The following TNR variants were observed in gnomAD, a reference collection of about 807,000 sequenced individuals.
TNR encodes tenascin-R.
In TNR, 45 loss-of-function variants were observed where a neutral mutation model predicts 150.4. The ratio of observed to expected loss-of-function variants is 0.30; its 90% CI spans 0.24 to 0.38. The LOEUF (loss-of-function observed/expected upper bound fraction) is 0.38, where lower values mean the gene tolerates loss of function less well. TNR is among the 10% of genes least tolerant of loss of function. TNR has a pLI of 1.00. For synonymous variants in TNR, 687 were observed against 678.4 expected (o/e 1.01, Z -0.20); for missense variants, 1,544 against 1,759.1 (o/e 0.88, Z 2.19).
intron 1 of TNR, among the ~76,000 whole-genome samples, chr1:175,619,938 C>T (rs1387247002): frequency 2.6e-5 from 4 of 152,186 alleles, no homozygotes; most frequent in Non-Finnish European, 4.4e-5. Context: ...GTGGCATGGC[C>T]TCTTGTGTAA....
At chr1:175,366,213 T>C (rs1020325838) in intron 10 of TNR, 75 bp from the exon 11 acceptor site, 72 of 1,456,972 alleles carry the variant, frequency 4.9e-5, no homozygotes, top group African/African-American at 5.7e-5. Context: ...GCTTTGTGTG[T>C]TTCCAAGCTA....
intron 2 of TNR, among the ~76,000 whole-genome samples, chr1:175,418,357 G>C (rs977307323): frequency 6.6e-6 from 1 of 152,204 alleles, no homozygotes; most frequent in African/African-American, 2.4e-5. Flanking sequence ...TCTAGAGAAA[G>C]ACTAATGGAA....
chr1:175,662,227 T>C (rs1444497118), intron 1 of TNR, among the ~76,000 whole-genome samples: 1 of 152,194 alleles, frequency 6.6e-6, no homozygotes, highest in Non-Finnish European at 1.5e-5. Flanking sequence ...TGGTGTTTTC[T>C]ACATCACCCT....
At position 175,657,883 on chromosome 1, in the gene TNR, A is replaced by ATATATATATATG. The variant is rs1464419575; in HGVS notation, c.-165+85342_-165+85343insCATATATATATA. Among the ~76,000 whole-genome samples the ATATATATATATG allele has an allele frequency of 6.1e-3, 619 of 101,062 alleles. 43 individuals are homozygous for ATATATATATATG. Among genetic ancestry groups the ATATATATATATG allele is most frequent in the African/African-American group, 0.018 (485 of 27,648 alleles). 66.3% of individuals were successfully genotyped at this position (101,062 alleles called of 152,430 possible). A position where few individuals can be genotyped will look rare whatever the true frequency, so the allele number is the denominator to read the frequency against. On this transcript the variant is annotated intron_variant, in intron 1 of 22. Transcript: ENST00000367674. ...TATATATATATATATATATATATAT[A>ATATATATATATG]TGTAACAAACCTGCACGTTGTGCAC...
intron 22 of TNR, among the ~76,000 whole-genome samples, chr1:175,323,924 AAC>A: frequency 6.6e-6 from 1 of 152,270 alleles, no homozygotes; most frequent in South Asian, 2.1e-4. Context: ...TTTCAGTGTT[AAC>A]ACTTAGAAAG....
rs188606891 is a variant in TNR at position 175,518,813 on chromosome 1, C to T, written c.-64+9456G>A. ...TTGCCCTCACCTTCTCCTTTACAGC[C>T]ACCAGCTTTTCAATTACAGGTCCAT... On this transcript the variant is annotated intron_variant, in intron 2 of 22. Coordinates refer to ENST00000367674, the MANE Select transcript of TNR (RefSeq NM_003285.3). Among the ~76,000 whole-genome samples, 5 of 152,314 alleles carry T rather than the reference C, an allele frequency of 3.3e-5. No individual in the cohort carries two copies. The East Asian group carries it at 7.7e-4, about 23-fold the overall frequency.
chr1:175,423,957 C>T lies in TNR; in HGVS notation c.-63-17180G>A, dbSNP rs577675448. On this transcript the variant is annotated intron_variant, in intron 2 of 22. Transcript: ENST00000367674. ...AGCTATGGGCCTTGGGGGTTAGAAT[C>T]CCTGCACCAAGGCCCTAAAGATAAA... Among the ~76,000 whole-genome samples, 47 of 152,216 alleles carry T rather than the reference C, an allele frequency of 3.1e-4. No individual in the cohort carries two copies. The South Asian group carries it at 9.5e-3, about 31-fold the overall frequency.
intron 18 of TNR, among the ~76,000 whole-genome samples, chr1:175,353,134 T>C (rs950186342): frequency 6.6e-6 from 1 of 152,086 alleles, no homozygotes; most frequent in Non-Finnish European, 1.5e-5. Context: ...TTATGGACTG[T>C]AGAGAGGCAC....
At chr1:175,519,864 C>G (rs1394878831) in intron 2 of TNR, among the ~76,000 whole-genome samples, 2 of 152,194 alleles carry the variant, frequency 1.3e-5, no homozygotes, top group African/African-American at 4.8e-5. Context: ...GCCTGATTTC[C>G]TTCCTGGTGT....
chr1:175,631,034 G>A (rs749821779), intron 1 of TNR, among the ~76,000 whole-genome samples: 9 of 152,242 alleles, frequency 5.9e-5, no homozygotes, highest in Non-Finnish European at 1.2e-4. Context: ...TGGGAAGGAT[G>A]TGGGTCAGCG....
chr1:175,549,981 TG>T (rs928209326), intron 1 of TNR, among the ~76,000 whole-genome samples: 2 of 151,928 alleles, frequency 1.3e-5, no homozygotes, highest in Admixed American at 1.3e-4. Context: ...GCTATTTTTG[TG>T]ATAATTTGTT....
chr1:175,355,878 C>T (rs892995527), intron 16 of TNR, among the ~76,000 whole-genome samples: 1 of 152,212 alleles, frequency 6.6e-6, no homozygotes, highest in Non-Finnish European at 1.5e-5. Context: ...GGTGTGACAT[C>T]TTCCACACTG....
chr1:175,515,034 G>A, intron 2 of TNR, among the ~76,000 whole-genome samples: 1 of 152,264 alleles, frequency 6.6e-6, no homozygotes, highest in South Asian at 2.1e-4. Context: ...AACTCGTTCC[G>A]GGCCAAGTCT....
intron 1 of TNR, among the ~76,000 whole-genome samples, chr1:175,736,779 C>T (rs1432049703): frequency 6.6e-6 from 1 of 151,774 alleles, no homozygotes; most frequent in Non-Finnish European, 1.5e-5. Context: ...TTTGGGAGGC[C>T]AAGGTGGGAG....
chr1:175,439,233 T>C (rs2102079033), intron 2 of TNR, among the ~76,000 whole-genome samples: 1 of 151,978 alleles, frequency 6.6e-6, no homozygotes, highest in Admixed American at 6.6e-5. Context: ...TATCTACAAC[T>C]ATCTGATCTT....
intron 1 of TNR, among the ~76,000 whole-genome samples, chr1:175,616,524 T>C (rs2281028): frequency 0.5 from 75,567 of 151,912 alleles, 20,689 homozygotes; most frequent in African/African-American, 0.75. Flanking sequence ...TTTCTCCCTG[T>C]TGCAGGATGG....
chr1:175,702,114 G>A (rs759314887), intron 1 of TNR, among the ~76,000 whole-genome samples: 14 of 151,812 alleles, frequency 9.2e-5, no homozygotes, highest in African/African-American at 1.5e-4. Flanking sequence ...GTTTTTTTCC[G>A]AAGTAAGATA....
In TNR at chr1:175,365,986, T is replaced by C. The variant is rs375128974; in HGVS notation, c.2206A>G (p.Arg736Gly). 2 of 1,614,038 alleles carry C rather than the reference T, an allele frequency of 1.2e-6. No individual in the cohort carries two copies. The highest frequency in any genetic ancestry group is 1.3e-5 in the African/African-American group (1 of 74,918). Residue 736 changes from arginine to glycine, a missense_variant, in exon 11 of 23, where the codon AGG (arginine) becomes GGG (glycine). By Grantham distance (125) the Arg-to-Gly change is moderately radical. Transcript: ENST00000367674. ...AGATCTGTTAGTGTGTATGAGGTCC[T>C]GTCCTTGGGTACGGTGACTTCTGAG... ...IASEVTVPKDRTSYTLTDLEP... is the reference protein window; with the variant it reads ...IASEVTVPKDGTSYTLTDLEP...
At chr1:175,485,626 T>C (rs35628064) in intron 2 of TNR, among the ~76,000 whole-genome samples, 1 of 152,018 alleles carries the variant, frequency 6.6e-6, no homozygotes, top group South Asian at 2.1e-4. Flanking sequence ...CTGCCACACA[T>C]GCTGGATCCT....
Sources: allele counts gnomAD v4.1 joint callset (sites outside exome capture counted in the v4.1 genomes callset), GRCh38; gene constraint gnomAD v4.1.1; transcripts MANE v1.5; gene names NCBI Gene and HGNC (gene_info 2026-07-23, HGNC 2026-07-21).